The following VHL variants were observed in gnomAD, a reference collection of about 807,000 sequenced individuals.
VHL encodes von Hippel-Lindau tumor suppressor, also known as von Hippel-Lindau disease tumor suppressor.
In VHL, 10 loss-of-function variants were observed where a neutral mutation model predicts 19.2. The observed-to-expected ratio is 0.52, with a 90% CI of 0.32 to 0.89. VHL has a LOEUF of 0.89. Ranked by LOEUF, VHL falls within the 40% of genes least tolerant of loss-of-function variation. VHL has a pLI of 0.03. For synonymous variants in VHL, 167 were observed against 129.5 expected, an observed-to-expected ratio of 1.29 and a Z score of -1.97; for missense variants, 328 against 292.7, an observed-to-expected ratio of 1.12 and a Z score of -0.88.
In VHL at chr3:10,151,719, C is replaced by T. The variant is rs1696414942; in HGVS notation, c.*1754C>T. 2 of 207,554 alleles carry T rather than the reference C, an allele frequency of 9.6e-6. No individual in the cohort carries two copies. Among genetic ancestry groups the T allele is most frequent in the Non-Finnish European group, 2.0e-5 (2 of 102,064 alleles). 12.9% of individuals were successfully genotyped at this position (207,554 alleles called of 1,614,324 possible). ...ATTAATGTTTGTGGGTATTTCTTGG[C>T]ATGCATCTTTAATTCCTTATCCTAG... On this transcript the variant is annotated 3_prime_UTR_variant, in exon 3 of 3. Transcript: ENST00000256474.
At position 10,141,841 on chromosome 3, in the gene VHL, G is replaced by A. The variant is rs1476205556; in HGVS notation, c.-7G>A. The A allele has an allele frequency of 4.6e-6, 7 of 1,535,612 alleles. No individual in the cohort carries two copies. The highest frequency in any genetic ancestry group is 6.1e-6 in the Non-Finnish European group (7 of 1,140,482). Reference sequence around the variant, plus strand: ...GTCCGGCCCGGGTGGTCTGGATCGCGGAGGGAATGCCCCGGAGGGCGGAGA... The same window carrying A: ...GTCCGGCCCGGGTGGTCTGGATCGCAGAGGGAATGCCCCGGAGGGCGGAGA... On this transcript the variant is annotated 5_prime_UTR_variant, in exon 1 of 3. Coordinates refer to ENST00000256474, the MANE Select transcript of VHL (RefSeq NM_000551.4).
Position 10,147,256 on chromosome 3 carries a change from C to T in VHL, c.463+620C>T, listed in dbSNP as rs534033584. ...CCATCTCCTGACCTCATGATCTGCC[C>T]GCCTACGCCTCCCAAAGTGCTGGGA... On this transcript the variant is annotated intron_variant, in intron 2 of 2. Transcript: ENST00000256474. Among the ~76,000 whole-genome samples, 11 of 152,152 alleles carry T rather than the reference C, an allele frequency of 7.2e-5. No homozygotes were observed. The South Asian group carries it at 8.3e-4, about 11-fold the overall frequency.
Position 10,150,356 on chromosome 3 carries a change from C to T in VHL, c.*391C>T, listed in dbSNP as rs138178021. 6.4e-5 allele frequency: 78 copies of T among 1,227,994 alleles called. 1 individual carries two copies. In the Admixed American group the frequency reaches 1.2e-3, roughly 18 times the overall value. 76.1% of individuals were successfully genotyped at this position (1,227,994 alleles called of 1,614,324 possible). ...ATGTATAATACATCCATTCTACATC[C>T]GTAGCGGTTGGTGACTTGTCTGCCT... On this transcript the variant is annotated 3_prime_UTR_variant, in exon 3 of 3. Coordinates refer to ENST00000256474, the MANE Select transcript of VHL (RefSeq NM_000551.4).
intron 1 of VHL, among the ~76,000 whole-genome samples, chr3:10,145,464 G>C (rs1696231856): frequency 6.6e-6 from 1 of 152,010 alleles, no homozygotes; most frequent in Non-Finnish European, 1.5e-5. Flanking sequence ...CCAGCACTTT[G>C]GGAGGCCGAG....
chr3:10,141,918 G>A lies in VHL; in HGVS notation c.71G>A (p.Gly24Asp), dbSNP rs878854129. 5.2e-6 allele frequency: 8 copies of A among 1,539,546 alleles called. No individual in the cohort carries two copies. Among genetic ancestry groups the A allele is most frequent in the Non-Finnish European group, 7.0e-6 (8 of 1,141,498 alleles). The stretch of plus-strand genomic sequence containing the variant: ...GAGGAGGCAGGCGTCGAAGAGTACG[G>A]CCCTGAAGAAGACGGCGGGGAGGAG... ...GAEEAGVEEY[G>D]PEEDGGEESG... Residue 24 changes from glycine (G) to aspartate (D), a missense_variant, in exon 1 of 3, where the codon GGC (glycine) becomes GAC (aspartate). Physicochemically the swap from Gly to Asp is moderately conservative, Grantham distance 94 (BLOSUM62 -1). Coordinates refer to ENST00000256474, the MANE Select transcript of VHL (RefSeq NM_000551.4).
chr3:10,146,693 C>A (rs1351121831), intron 2 of VHL, 57 bp downstream of exon 2: 1 of 1,606,666 alleles, frequency 6.2e-7, no homozygotes. Flanking sequence ...ACAGGATAGA[C>A]CACTTGAAAA....
At chr3:10,143,603 A>G (rs1276196622) in intron 1 of VHL, among the ~76,000 whole-genome samples, 1 of 152,064 alleles carries the variant, frequency 6.6e-6, no homozygotes, top group Non-Finnish European at 1.5e-5. Context: ...ACGCACTACC[A>G]TTCCCAGCTA....
rs1038965312 is a variant in VHL, at chr3:10,152,740, T to G, written c.*2775T>G. Among the ~76,000 whole-genome samples, 2 of 150,478 alleles carry G rather than the reference T, an allele frequency of 1.3e-5. No individual in the cohort carries two copies. Among genetic ancestry groups the G allele is most frequent in the Non-Finnish European group, 3.0e-5 (2 of 67,728 alleles). On this transcript the variant is annotated 3_prime_UTR_variant, in exon 3 of 3. Transcript: ENST00000256474. ...CTCCTGACCTTGTGATCCACCCACC[T>G]CAGCCTCCCAAAGTGCTGGGATTAC...
Position 10,150,094 on chromosome 3 carries a change from T to C in VHL, c.*129T>C, listed in dbSNP as rs972583037. 11 of 1,532,798 alleles carry C rather than the reference T, an allele frequency of 7.2e-6. No homozygotes were observed. The highest frequency in any genetic ancestry group is 8.8e-6 in the Non-Finnish European group (10 of 1,138,862). 94.9% of individuals were successfully genotyped at this position (1,532,798 alleles called of 1,614,324 possible). A position where few individuals can be genotyped will look rare whatever the true frequency, so the allele number is the denominator to read the frequency against. ...CATTCTCAGAGTAAAATAGGCACCATTGCTTAAAAGAAAGTTAACTGACTT... is the reference window on the plus strand; with the variant it reads ...CATTCTCAGAGTAAAATAGGCACCACTGCTTAAAAGAAAGTTAACTGACTT... On this transcript the variant is annotated 3_prime_UTR_variant, in exon 3 of 3. Coordinates refer to ENST00000256474, the MANE Select transcript of VHL (RefSeq NM_000551.4).
At chr3:10,146,729 C>G (rs2125128700) in intron 2 of VHL, 93 bp downstream of exon 2, 1 of 1,542,846 alleles carries the variant, frequency 6.5e-7, no homozygotes, top group Non-Finnish European at 8.9e-7. Context: ...CAATTTTTGC[C>G]TGATGTCAGG....
rs564917049 is a variant in VHL at position 10,153,393 on chromosome 3, C to T, written c.*3428C>T. ...GCAGTGAGCCAAGATCACACCATTG[C>T]ACTCCAGCCTGGGCAACAAGAGTGA... On this transcript the variant is annotated 3_prime_UTR_variant, in exon 3 of 3. Transcript: ENST00000256474. Among the ~76,000 whole-genome samples, 79 of 151,944 alleles carry T rather than the reference C, an allele frequency of 5.2e-4. No homozygotes were observed. The highest frequency in any genetic ancestry group is 2.4e-3 in the Admixed American group (36 of 15,258).
At position 10,149,978 on chromosome 3, in the gene VHL, A is replaced by C; in HGVS notation, c.*13A>C. 1 of 1,611,162 alleles carries C rather than the reference A, an allele frequency of 6.2e-7. No individual in the cohort carries two copies. Among genetic ancestry groups the C allele is most frequent in the Non-Finnish European group, 8.5e-7 (1 of 1,178,546 alleles). On this transcript the variant is annotated 3_prime_UTR_variant, in exon 3 of 3. Coordinates refer to ENST00000256474, the MANE Select transcript of VHL (RefSeq NM_000551.4). ...GATGGGAGATTGAAGATTTCTGTTG[A>C]AACTTACACTGTTTCATCTCAGCTT...
rs1559425474 is a variant in VHL, at chr3:10,141,853, C to CCGGG, written c.9_10insGCGG (p.Arg4AlafsTer24). On this transcript the variant is annotated frameshift_variant, in exon 1 of 3. Coordinates refer to ENST00000256474, the MANE Select transcript of VHL (RefSeq NM_000551.4). LOFTEE classifies it high-confidence loss of function. Reference sequence around the variant, plus strand: ...TGGTCTGGATCGCGGAGGGAATGCCCCGGAGGGCGGAGAACTGGGACGAGG... The same window carrying CCGGG: ...TGGTCTGGATCGCGGAGGGAATGCCCCGGGCGGAGGGCGGAGAACTGGGACGAGG... 1 of 1,535,696 alleles carries CCGGG rather than the reference C, an allele frequency of 6.5e-7. No homozygotes were observed. The highest frequency in any genetic ancestry group is 2.0e-5 in the Admixed American group (1 of 49,262).
rs745901803 is a variant in VHL, at chr3:10,142,145, A to G, written c.298A>G (p.Thr100Ala). Reference sequence around the variant, plus strand: ...CGACGGCGAGCCGCAGCCCTACCCAACGCTGCCGCCTGGCACGGGCCGCCG... The same window carrying G: ...CGACGGCGAGCCGCAGCCCTACCCAGCGCTGCCGCCTGGCACGGGCCGCCG... ...NFDGEPQPYP[T>A]LPPGTGRRIH... The change falls in exon 1 of 3, where the codon ACG becomes GCG. Residue 100 changes from threonine (T) to alanine (A), a missense_variant. Transcript: ENST00000256474. 27 of 1,599,394 alleles carry G rather than the reference A, an allele frequency of 1.7e-5. No individual in the cohort carries two copies. Among genetic ancestry groups the G allele is most frequent in the South Asian group, 9.9e-5 (9 of 91,016 alleles).
In VHL at chr3:10,142,030, C is replaced by T. The variant is rs63650860; in HGVS notation, c.183C>T (p.Pro61=). The change falls in exon 1 of 3, where the codon CCC becomes CCT. Residue 61 remains proline, a synonymous_variant. Transcript: ENST00000256474. ...EEEMEAGRPR[P]VLRSVNSREP... Reference sequence around the variant, plus strand: ...AGATGGAGGCCGGGCGGCCGCGGCCCGTGCTGCGCTCGGTGAACTCGCGCG... The same window carrying T: ...AGATGGAGGCCGGGCGGCCGCGGCCTGTGCTGCGCTCGGTGAACTCGCGCG... 6 of 1,598,606 alleles carry T rather than the reference C, an allele frequency of 3.8e-6. No homozygotes were observed. Among genetic ancestry groups the T allele is most frequent in the Admixed American group, 3.4e-5 (2 of 58,124 alleles).
chr3:10,150,247 G>C lies in VHL; in HGVS notation c.*282G>C, dbSNP rs924242173. ...CCTAGTAAGTCAGGACAGCTTGTAT[G>C]TAAGGAGGTTTGTATAAGTAATTCA... On this transcript the variant is annotated 3_prime_UTR_variant, in exon 3 of 3. Transcript: ENST00000256474. 5.7e-5 allele frequency: 75 copies of C among 1,326,500 alleles called. 2 individuals carry two copies. In the South Asian group the frequency reaches 1.0e-3, roughly 19 times the overall value. The allele number at this position is 1,326,500 out of a possible 1,614,324, so 82.2% of individuals were successfully genotyped here.
At position 10,141,981 on chromosome 3, in the gene VHL, C is replaced by G. The variant is rs199583685; in HGVS notation, c.134C>G (p.Pro45Arg). The change falls in exon 1 of 3, where the codon CCG becomes CGG. Residue 45 changes from proline (P) to arginine (R), a missense_variant. Coordinates refer to ENST00000256474, the MANE Select transcript of VHL (RefSeq NM_000551.4). ...AEESGPEESG[P>R]EELGAEEEME... ...GAGTCCGGCCCGGAAGAGTCCGGCC[C>G]GGAGGAACTGGGCGCCGAGGAGGAG... 2.2e-5 allele frequency: 34 copies of G among 1,566,086 alleles called. No individual in the cohort carries two copies. The highest frequency in any genetic ancestry group is 1.8e-4 in the Middle Eastern group (1 of 5,594).
At position 10,149,951 on chromosome 3, in the gene VHL, C is replaced by T. The variant is rs774380450; in HGVS notation, c.628C>T (p.Arg210Trp). The change falls in exon 3 of 3, where the codon CGG becomes TGG. Residue 210 changes from arginine to tryptophan, a missense_variant. Physicochemically the swap from Arg to Trp is moderately radical, Grantham distance 101 (BLOSUM62 -3). Transcript: ENST00000256474. ...RLTQERIAHQ[R>W]MGD ...GACACAGGAGCGCATTGCACATCAA[C>T]GGATGGGAGATTGAAGATTTCTGTT... The T allele has an allele frequency of 2.4e-5, 38 of 1,613,774 alleles. No homozygotes were observed. Among genetic ancestry groups the T allele is most frequent in the East Asian group, 1.3e-4 (6 of 44,882 alleles).
At position 10,152,870 on chromosome 3, in the gene VHL, C is replaced by T. The variant is rs1013308632; in HGVS notation, c.*2905C>T. 2.0e-5 allele frequency among the ~76,000 whole-genome samples: 3 copies of T among 152,160 alleles called. No homozygotes were observed. The highest frequency in any genetic ancestry group is 4.4e-5 in the Non-Finnish European group (3 of 68,032). On this transcript the variant is annotated 3_prime_UTR_variant, in exon 3 of 3. Coordinates refer to ENST00000256474, the MANE Select transcript of VHL (RefSeq NM_000551.4). Reference sequence around the variant, plus strand: ...CTTGTTAAAACCTGCAGGCCGAGCACAGTGGCTCATGCCTGTAATCCCAGC... The same window carrying T: ...CTTGTTAAAACCTGCAGGCCGAGCATAGTGGCTCATGCCTGTAATCCCAGC...
Sources: gnomAD v4.1 joint callset for allele counts (sites outside exome capture counted in the v4.1 genomes callset) on GRCh38, gnomAD v4.1.1 for gene constraint, MANE v1.5 for transcripts, NCBI Gene and HGNC (gene_info 2026-07-23, HGNC 2026-07-21) for gene names.